The following CEP112 variants were observed in gnomAD, a reference collection of about 807,000 sequenced individuals.
CEP112 encodes the protein centrosomal protein of 112 kDa.
CEP112 carries 127 observed loss-of-function variants against 153.0 expected under a neutral mutation model. The observed-to-expected ratio is 0.83, with a 90% CI of 0.72 to 0.96. The LOEUF (loss-of-function observed/expected upper bound fraction) is 0.96. Ranked by LOEUF, CEP112 falls within the 40% of genes least tolerant of loss-of-function variation. The pLI is 0.00. For missense variants in CEP112, 1,089 were observed against 1,101.2 expected, an observed-to-expected ratio of 0.99 and a Z score of 0.16; for synonymous variants, 358 against 374.4, an observed-to-expected ratio of 0.96 and a Z score of 0.51.
intron 6 of CEP112, among the ~76,000 whole-genome samples, chr17:66,099,498 C>T (rs1341585795): frequency 1.1e-5 from 1 of 88,336 alleles, no homozygotes; most frequent in African/African-American, 3.7e-5. Flanking sequence ...GAATGAAACT[C>T]TGTCTCAAAA....
chr17:65,776,472 G>A (rs527276261), intron 21 of CEP112, among the ~76,000 whole-genome samples: 115 of 152,238 alleles, frequency 7.6e-4, no homozygotes, highest in African/African-American at 1.2e-3. Context: ...TGATCTGCCC[G>A]CCTTGGCCTC....
In CEP112 at chr17:66,170,056, T is replaced by C. The variant is rs142182641; in HGVS notation, c.470+4988A>G. On this transcript the variant is annotated intron_variant, in intron 4 of 26. Transcript: ENST00000535342. ...GGCTATCTGATTCATGTATGATTTGTGGCAGCTGCATTTTCCAAAACCAGC... is the reference window on the plus strand; with the variant it reads ...GGCTATCTGATTCATGTATGATTTGCGGCAGCTGCATTTTCCAAAACCAGC... 7.0e-3 allele frequency among the ~76,000 whole-genome samples: 1,069 copies of C among 152,280 alleles called. 12 individuals carry two copies. The highest frequency in any genetic ancestry group is 0.025 in the African/African-American group (1,023 of 41,548).
chr17:66,185,069 AG>A (rs1252257485), intron 1 of CEP112, among the ~76,000 whole-genome samples: 1 of 152,222 alleles, frequency 6.6e-6, no homozygotes, highest in African/African-American at 2.4e-5. Flanking sequence ...TCATGGGGAT[AG>A]CAGTGGGGGC....
chr17:66,160,099 CAA>C (rs2071635162), intron 4 of CEP112, among the ~76,000 whole-genome samples: 1 of 152,052 alleles, frequency 6.6e-6, no homozygotes, highest in Non-Finnish European at 1.5e-5. Context: ...ACAATTGCTA[CAA>C]AGAGAATAAA....
At chr17:66,138,897 G>C (rs1265327963) in intron 4 of CEP112, among the ~76,000 whole-genome samples, 1 of 151,744 alleles carries the variant, frequency 6.6e-6, no homozygotes, top group Admixed American at 6.6e-5. Flanking sequence ...AAATAAGAAA[G>C]CAAAATAAAG....
intron 20 of CEP112, among the ~76,000 whole-genome samples, chr17:65,901,561 C>T (rs1377982181): frequency 6.6e-6 from 1 of 152,100 alleles, no homozygotes; most frequent in Non-Finnish European, 1.5e-5. Context: ...GTTATTCTGC[C>T]AAATGGCTTC....
chr17:65,673,285 G>A (rs1468738423), intron 24 of CEP112, among the ~76,000 whole-genome samples: 2 of 152,086 alleles, frequency 1.3e-5, no homozygotes, highest in African/African-American at 2.4e-5. Context: ...TCTTTAAAGT[G>A]GCAATGGCGC....
chr17:65,924,067 C>T (rs940914488), intron 19 of CEP112, among the ~76,000 whole-genome samples: 5 of 152,158 alleles, frequency 3.3e-5, no homozygotes, highest in African/African-American at 9.7e-5. Context: ...GACTCCACCT[C>T]CCAGGTTCAC....
chr17:65,880,092 TA>T (rs1347045252), intron 20 of CEP112, among the ~76,000 whole-genome samples: 2 of 152,202 alleles, frequency 1.3e-5, no homozygotes, highest in African/African-American at 4.8e-5. Context: ...TGTGCTATTG[TA>T]AACGGTATTT....
At chr17:65,685,580 T>C (rs1277972036) in intron 24 of CEP112, among the ~76,000 whole-genome samples, 1 of 152,068 alleles carries the variant, frequency 6.6e-6, no homozygotes, top group East Asian at 1.9e-4. Context: ...AAAAATACAT[T>C]CATAATGTAA....
At chr17:66,178,427 T>C (rs980936722) in intron 2 of CEP112, among the ~76,000 whole-genome samples, 1 of 151,922 alleles carries the variant, frequency 6.6e-6, no homozygotes, top group African/African-American at 2.4e-5. Flanking sequence ...TTTTTTTGTA[T>C]AGAGTTGTTT....
intron 12 of CEP112, among the ~76,000 whole-genome samples, chr17:66,047,654 A>G (rs1386883542): frequency 6.6e-6 from 1 of 152,212 alleles, no homozygotes; most frequent in Non-Finnish European, 1.5e-5. Context: ...TAGTCAGTGT[A>G]TGATAAATTA....
chr17:65,670,896 C>CGG (rs1214265544), intron 24 of CEP112, among the ~76,000 whole-genome samples: 23 of 3,352 alleles, frequency 6.9e-3, no homozygotes, highest in Admixed American at 4.5e-3. Context: ...TGGTAGTGGG[C>CGG]GGGGGGGGCG....
At chr17:65,720,917 T>G (rs572071602) in intron 23 of CEP112, among the ~76,000 whole-genome samples, 109 of 152,126 alleles carry the variant, frequency 7.2e-4, no homozygotes, top group Non-Finnish European at 1.2e-3. Flanking sequence ...TTGTTTGAGA[T>G]CACATAGTTT....
intron 20 of CEP112, among the ~76,000 whole-genome samples, chr17:65,875,917 A>T (rs1568153034): frequency 6.6e-6 from 1 of 152,210 alleles, no homozygotes; most frequent in East Asian, 1.9e-4. Context: ...ATTATTCAAA[A>T]CACAACCAGA....
chr17:66,000,230 G>GT lies in CEP112; in HGVS notation c.1736+5459dup, dbSNP rs71361253. On this transcript the variant is annotated intron_variant, in intron 17 of 26. Transcript: ENST00000535342. ...TTTCTCTGCAACCTCACTGGCATCT[G>GT]TTTTTTTTTTGTCTTTTTAGTAATA... 2.9e-3 allele frequency among the ~76,000 whole-genome samples: 416 copies of GT among 142,606 alleles called. 5 individuals are homozygous for GT. The highest frequency in any genetic ancestry group is 4.2e-3 in the African/African-American group (161 of 38,158). 93.6% of individuals were successfully genotyped at this position (142,606 alleles called of 152,430 possible). A position where few individuals can be genotyped will look rare whatever the true frequency, so the allele number is the denominator to read the frequency against.
intron 21 of CEP112, among the ~76,000 whole-genome samples, chr17:65,805,540 C>T (rs1477802164): frequency 6.6e-6 from 1 of 152,104 alleles, no homozygotes; most frequent in Non-Finnish European, 1.5e-5. Context: ...TAGCATTTTT[C>T]GTTTAAAAGA....
intron 20 of CEP112, among the ~76,000 whole-genome samples, chr17:65,857,379 G>A (rs1240668787): frequency 6.6e-6 from 1 of 152,156 alleles, no homozygotes; most frequent in Non-Finnish European, 1.5e-5. Flanking sequence ...GCTAAGAAGG[G>A]TTAATGATCA....
At chr17:66,013,076 GT>G (rs763106500) in intron 16 of CEP112, among the ~76,000 whole-genome samples, 17 of 152,066 alleles carry the variant, frequency 1.1e-4, no homozygotes, top group Non-Finnish European at 2.1e-4. Context: ...TATCAGGTAA[GT>G]TTGGTTCTTC....
Sources: gnomAD v4.1 joint callset for allele counts (sites outside exome capture counted in the v4.1 genomes callset) on GRCh38, gnomAD v4.1.1 for gene constraint, MANE v1.5 for transcripts, NCBI Gene and HGNC (gene_info 2026-07-23, HGNC 2026-07-21) for gene names.